The following INPP4A variants were observed in gnomAD, a reference collection of about 807,000 sequenced individuals.
INPP4A encodes the protein inositol polyphosphate-4-phosphatase type I A.
In INPP4A, 33 loss-of-function variants were observed where a neutral mutation model predicts 119.8. The observed-to-expected ratio is 0.28, with a 90% confidence interval of 0.21 to 0.37. The LOEUF is 0.37. Among genes scored for constraint, INPP4A ranks in the 10% least tolerant of loss-of-function variants. INPP4A has a pLI of 1.00. For missense variants in INPP4A, 956 were observed against 1,289.9 expected (o/e 0.74, Z 3.97); for synonymous variants, 496 against 500.7 (o/e 0.99, Z 0.12).
intron 4 of INPP4A, among the ~76,000 whole-genome samples, chr2:98,532,937 G>A (rs1416813977): frequency 2.0e-5 from 3 of 152,162 alleles, no homozygotes; most frequent in Admixed American, 1.3e-4. Context: ...GCCAAGACAC[G>A]TGGAGCACCA....
At chr2:98,551,398 T>G (rs902470864) in intron 13 of INPP4A, among the ~76,000 whole-genome samples, 1 of 152,254 alleles carries the variant, frequency 6.6e-6, no homozygotes, top group East Asian at 1.9e-4. Context: ...CCCCACGAGC[T>G]TGAGTGCGGT....
At position 98,569,816 on chromosome 2, in the gene INPP4A, A is replaced by G; in HGVS notation, c.2518+1148A>G. 6.6e-6 allele frequency: 1 copy of G among 152,460 alleles called. No individual in the cohort carries two copies. Among genetic ancestry groups the G allele is most frequent in the Non-Finnish European group, 1.5e-5 (1 of 68,178 alleles). 9.4% of individuals were successfully genotyped at this position (152,460 alleles called of 1,614,324 possible). A position where few individuals can be genotyped will look rare whatever the true frequency, so the allele number is the denominator to read the frequency against. ...TTCAGCAGGGAAGCAGTGGGAAAAA[A>G]GACGCCTCTTCACAGGTTCATCTAG... is the stretch of plus-strand genomic sequence containing the variant. On this transcript the variant is annotated intron_variant, in intron 22 of 24. Transcript: ENST00000409851. The surrounding 1 kb of genome is among the most constrained non-coding windows in gnomAD (Gnocchi z 5.1).
chr2:98,541,549 A>G (rs909763698), intron 10 of INPP4A, among the ~76,000 whole-genome samples: 3 of 152,126 alleles, frequency 2.0e-5, no homozygotes, highest in Non-Finnish European at 2.9e-5. Flanking sequence ...TTAATTTCCC[A>G]TTACATGGTG....
Position 98,500,166 on chromosome 2 carries a change from G to T in INPP4A, c.-165-18798G>T, listed in dbSNP as rs80005835. ...CTAGTGTCATTTAACTTAGTAACTT[G>T]TGGTATACAGAGTCCTCACGCATGC... On this transcript the variant is annotated intron_variant, in intron 1 of 24. Coordinates refer to ENST00000409851, the MANE Select transcript of INPP4A (RefSeq NM_001134225.2). 0.012 allele frequency among the ~76,000 whole-genome samples: 1,829 copies of T among 152,194 alleles called. 75 individuals carry two copies. In the East Asian group the frequency reaches 0.13, roughly 11 times the overall value.
At chr2:98,503,250 C>G (rs1196716967) in intron 1 of INPP4A, among the ~76,000 whole-genome samples, 1 of 152,142 alleles carries the variant, frequency 6.6e-6, no homozygotes, top group Non-Finnish European at 1.5e-5. Flanking sequence ...CAAGAGAGTA[C>G]CAGGACTTTT....
In INPP4A at chr2:98,546,137, G is replaced by A. The variant is rs1692442472; in HGVS notation, c.1054+64G>A. 1 of 1,149,038 alleles carries A rather than the reference G, an allele frequency of 8.7e-7. No individual in the cohort carries two copies. The highest frequency in any genetic ancestry group is 1.3e-6 in the Non-Finnish European group (1 of 783,922). The allele number at this position is 1,149,038 out of a possible 1,614,324, so 71.2% of individuals were successfully genotyped here. The stretch of plus-strand genomic sequence containing the variant: ...CGCTGCTTTTCTCTGTGGGTACTTG[G>A]TCCCTGAGTACCCCACATCTGCCCA... On this transcript the variant is annotated intron_variant, in intron 12 of 24. Transcript: ENST00000409851. The surrounding 1 kb of genome is among the most constrained non-coding windows in gnomAD (Gnocchi z 4.2).
chr2:98,525,054 T>G (rs949780996), intron 4 of INPP4A, among the ~76,000 whole-genome samples: 39 of 152,244 alleles, frequency 2.6e-4, no homozygotes, highest in Non-Finnish European at 1.6e-4. Flanking sequence ...TGGATTTATT[T>G]AGAAGGCCTC....
Position 98,552,951 on chromosome 2 carries a change from C to A in INPP4A, c.1329C>A (p.Leu443=). 6.2e-7 allele frequency: 1 copy of A among 1,611,314 alleles called. No homozygotes were observed. The highest frequency in any genetic ancestry group is 8.5e-7 in the Non-Finnish European group (1 of 1,178,386). Residue 443 remains leucine, a synonymous_variant, in exon 14 of 25, where the codon CTC becomes CTA. Coordinates refer to ENST00000409851, the MANE Select transcript of INPP4A (RefSeq NM_001134225.2). ...DRSATGLERT[L]AILADKTRQL... is the part of the protein sequence containing the mutation. ...CTGCCACTGGCCTTGAGAGGACACT[C>A]GCCATCTTGGCAGACAAGGTAGGAG...
At chr2:98,533,982 T>C (rs1689731588) in intron 5 of INPP4A, among the ~76,000 whole-genome samples, 1 of 152,252 alleles carries the variant, frequency 6.6e-6, no homozygotes, top group South Asian at 2.1e-4. Flanking sequence ...TGGATAAACA[T>C]TTATGGATGA....
intron 1 of INPP4A, among the ~76,000 whole-genome samples, chr2:98,447,083 A>G (rs750579757): frequency 3.9e-5 from 6 of 152,192 alleles, no homozygotes; most frequent in African/African-American, 1.4e-4. Context: ...ACTGATCCCC[A>G]GCCCAGGGCT....
At chr2:98,453,898 G>A (rs1182789726) in intron 1 of INPP4A, among the ~76,000 whole-genome samples, 1 of 152,070 alleles carries the variant, frequency 6.6e-6, no homozygotes, top group African/African-American at 2.4e-5. Context: ...CCTGAGGTCG[G>A]GGGTTCAAGA....
At position 98,552,791 on chromosome 2, in the gene INPP4A, C is replaced by T; in HGVS notation, c.1169C>T (p.Ser390Leu). 4 of 1,611,382 alleles carry T rather than the reference C, an allele frequency of 2.5e-6. No homozygotes were observed. The highest frequency in any genetic ancestry group is 1.6e-4 in the Middle Eastern group (1 of 6,062). Reference protein sequence around the residue: ...HKFEETKKHTSSGCQSIIYIP... With the variant: ...HKFEETKKHTLSGCQSIIYIP... ...TCCATTCTTATCCTTTCCAGTACAT[C>T]ATCTGGCTGCCAGTCCATAATCTAC... is the stretch of plus-strand genomic sequence containing the variant. Residue 390 changes from serine to leucine, a missense_variant, in exon 14 of 25, where the codon TCA becomes TTA. Physicochemically the swap from Ser to Leu is moderately radical, Grantham distance 145 (BLOSUM62 -2). Coordinates refer to ENST00000409851, the MANE Select transcript of INPP4A (RefSeq NM_001134225.2).
At chr2:98,526,955 C>T (rs1688290153) in intron 4 of INPP4A, among the ~76,000 whole-genome samples, 1 of 152,182 alleles carries the variant, frequency 6.6e-6, no homozygotes, top group South Asian at 2.1e-4. Flanking sequence ...GGCACTAAGT[C>T]ATTCATGAGG....
At position 98,457,454 on chromosome 2, in the gene INPP4A, C is replaced by T. The variant is rs76674737; in HGVS notation, c.-166+12369C>T. Among the ~76,000 whole-genome samples the T allele has an allele frequency of 6.8e-4, 104 of 152,310 alleles. 2 individuals are homozygous for T. The East Asian group carries it at 0.01, about 15-fold the overall frequency. On this transcript the variant is annotated intron_variant, in intron 1 of 24. Coordinates refer to ENST00000409851, the MANE Select transcript of INPP4A (RefSeq NM_001134225.2). Reference sequence around the variant, plus strand: ...TGACTAAATTCCAGGGCAGTAACTGCTGTGTCATTCTTTGGGAACTGGTCA... The same window carrying T: ...TGACTAAATTCCAGGGCAGTAACTGTTGTGTCATTCTTTGGGAACTGGTCA...
intron 24 of INPP4A, among the ~76,000 whole-genome samples, chr2:98,582,297 C>G (rs1699425344): frequency 6.6e-6 from 1 of 152,228 alleles, no homozygotes; most frequent in Non-Finnish European, 1.5e-5. Flanking sequence ...CCCTGAATTA[C>G]AGTAGCAAAC....
intron 18 of INPP4A, 39 bp from the exon 19 acceptor site, chr2:98,564,601 G>A: frequency 1.2e-6 from 2 of 1,611,260 alleles, no homozygotes; most frequent in Non-Finnish European, 1.7e-6. Flanking sequence ...TGGTGAGCAG[G>A]CACCTGACCC....
intron 1 of INPP4A, among the ~76,000 whole-genome samples, chr2:98,477,617 A>G (rs1028902978): frequency 6.6e-6 from 1 of 152,222 alleles, no homozygotes. Flanking sequence ...TTGGTCTTGT[A>G]GAAACTGCTC....
At chr2:98,555,323 A>G (rs1430116868) in intron 15 of INPP4A, among the ~76,000 whole-genome samples, 1 of 152,248 alleles carries the variant, frequency 6.6e-6, no homozygotes, top group African/African-American at 2.4e-5. Flanking sequence ...GTTACTAGCA[A>G]ACATCTCCCA....
At position 98,565,668 on chromosome 2, in the gene INPP4A, G is replaced by T. The variant is rs1172450080; in HGVS notation, c.2181G>T (p.Met727Ile). Residue 727 changes from methionine to isoleucine, a missense_variant, in exon 20 of 25, where the codon ATG (methionine) becomes ATT (isoleucine). Coordinates refer to ENST00000409851, the MANE Select transcript of INPP4A (RefSeq NM_001134225.2). ...YGEELAMLED[M>I]SLGIMDLRNV... The stretch of plus-strand genomic sequence containing the variant: ...AGGAGCTGGCAATGCTGGAGGACAT[G>T]AGCCTTGGGATCATGGACTTGAGGA... 6.2e-7 allele frequency: 1 copy of T among 1,611,274 alleles called. No homozygotes were observed. Among genetic ancestry groups the T allele is most frequent in the African/African-American group, 1.3e-5 (1 of 74,870 alleles).
Sources: gnomAD v4.1 joint callset for allele counts (sites outside exome capture counted in the v4.1 genomes callset) on GRCh38, gnomAD v4.1.1 for gene constraint, Gnocchi (gnomAD v3.1) non-coding constraint, MANE v1.5 for transcripts, NCBI Gene and HGNC (gene_info 2026-07-23, HGNC 2026-07-21) for gene names.